SLC39A9: variants seen among roughly 807,000 people sequenced by gnomAD.
SLC39A9 encodes solute carrier family 39 member 9.
In SLC39A9, 14 loss-of-function variants were observed where a neutral mutation model predicts 28.4. The observed-to-expected ratio is 0.49, with a 90% CI of 0.33 to 0.77. The LOEUF (loss-of-function observed/expected upper bound fraction) is 0.77, where lower values mean the gene tolerates loss of function less well. SLC39A9 is among the 30% of genes least tolerant of loss of function. The pLI, the probability that SLC39A9 is intolerant of heterozygous loss-of-function variation, is 0.02. For synonymous variants in SLC39A9, 119 were observed against 149.6 expected (o/e 0.80, Z 1.49); for missense variants, 283 against 381.1 (o/e 0.74, Z 2.14).
At chr14:69,398,624 G>A (rs1882440551), upstream of SLC39A9, 1 of 284,788 alleles carries the variant, frequency 3.5e-6, no homozygotes, top group African/African-American at 2.3e-5. Flanking sequence ...TGGGCCGGAG[G>A]TCGGTTGTAA....
intron 3 of SLC39A9, 25 bp from the exon 4 acceptor site, chr14:69,453,216 G>C: frequency 6.3e-7 from 1 of 1,598,654 alleles, no homozygotes; most frequent in Non-Finnish European, 8.6e-7. Context: ...ATAGCTTAAC[G>C]CTGTCTTTCT....
At position 69,446,177 on chromosome 14, in the gene SLC39A9, G is replaced by A. The variant is rs142010800; in HGVS notation, c.403+3911G>A. ...AAGAAGGAACACACAAGTATGGAGT[G>A]GAGGAAGGCAAGAAAGAACCCCTAT... On this transcript the variant is annotated intron_variant, in intron 3 of 6. Coordinates refer to ENST00000336643, the MANE Select transcript of SLC39A9 (RefSeq NM_018375.5). 7.9e-5 allele frequency among the ~76,000 whole-genome samples: 12 copies of A among 151,902 alleles called. No individual in the cohort carries two copies. The East Asian group carries it at 2.1e-3, about 27-fold the overall frequency.
chr14:69,406,846 TTG>T (rs1477947950), intron 1 of SLC39A9, among the ~76,000 whole-genome samples: 5 of 123,376 alleles, frequency 4.1e-5, no homozygotes, highest in African/African-American at 1.7e-4. Context: ...TGGAAATTCT[TTG>T]TTTTTTTTTT....
chr14:69,422,872 A>T (rs1883975626), intron 1 of SLC39A9, among the ~76,000 whole-genome samples: 1 of 152,130 alleles, frequency 6.6e-6, no homozygotes, highest in African/African-American at 2.4e-5. Context: ...TACTTCTAAG[A>T]TCCCAGTAAG....
Position 69,399,251 on chromosome 14 carries a change from TA to T in SLC39A9, c.-116del. On this transcript the variant is annotated 5_prime_UTR_variant, in exon 1 of 7. Transcript: ENST00000336643. Reference sequence around the variant, plus strand: ...GAACACATCTGCTGGTGGGAAGGCCTAAAGAACTGGAAAGCCCACTCTCTTG... The same window carrying T: ...GAACACATCTGCTGGTGGGAAGGCCTAAGAACTGGAAAGCCCACTCTCTTG... 1 of 842,176 alleles carries T rather than the reference TA, an allele frequency of 1.2e-6. No homozygotes were observed. Among genetic ancestry groups the T allele is most frequent in the Non-Finnish European group, 1.9e-6 (1 of 515,780 alleles). 52.2% of individuals were successfully genotyped at this position (842,176 alleles called of 1,614,324 possible).
chr14:69,454,761 T>A, intron 4 of SLC39A9, 51 bp from the exon 5 acceptor site: 1 of 1,454,816 alleles, frequency 6.9e-7, no homozygotes, highest in African/African-American at 1.4e-5. Flanking sequence ...ACTACACTGT[T>A]ATTGTTGTTG....
intron 2 of SLC39A9, among the ~76,000 whole-genome samples, chr14:69,427,007 A>ATT (rs35299160): frequency 9.6e-5 from 13 of 135,932 alleles, no homozygotes; most frequent in Non-Finnish European, 7.9e-5. Flanking sequence ...ACCCAAAATA[A>ATT]TTTTTTTTTT....
At chr14:69,454,564 A>C (rs1885770459) in intron 4 of SLC39A9, 1 of 344,442 alleles carries the variant, frequency 2.9e-6, no homozygotes, top group Non-Finnish European at 5.2e-6. Flanking sequence ...AACCAAAATA[A>C]CTAACATTGA....
In SLC39A9 at chr14:69,459,630, G is replaced by A; in HGVS notation, c.*1037G>A. ...GGGACCTAAATACTAGGTCAGCTTT[G>A]GCGACACTGTGTCTTCTCACATAAC... On this transcript the variant is annotated 3_prime_UTR_variant, in exon 7 of 7. Coordinates refer to ENST00000336643, the MANE Select transcript of SLC39A9 (RefSeq NM_018375.5). 4 of 981,728 alleles carry A rather than the reference G, an allele frequency of 4.1e-6. No homozygotes were observed. The highest frequency in any genetic ancestry group is 4.8e-6 in the Non-Finnish European group (4 of 828,556). 60.8% of individuals were successfully genotyped at this position (981,728 alleles called of 1,614,324 possible).
In SLC39A9 at chr14:69,462,290, A is replaced by T. The variant is rs1272868400; in HGVS notation, c.*3697A>T. On this transcript the variant is annotated 3_prime_UTR_variant, in exon 7 of 7. Transcript: ENST00000336643. ...TCCCTTGTAAACATGAAATCATTCC[A>T]TGGATGGCTGCCTTATAATTTTGTC... The T allele has an allele frequency of 6.6e-6, 1 of 152,276 alleles. No homozygotes were observed. Among genetic ancestry groups the T allele is most frequent in the Admixed American group, 6.5e-5 (1 of 15,282 alleles). 9.4% of individuals were successfully genotyped at this position (152,276 alleles called of 1,614,324 possible). A position where few individuals can be genotyped will look rare whatever the true frequency, so the allele number is the denominator to read the frequency against.
chr14:69,400,415 C>T (rs892492878), intron 1 of SLC39A9, among the ~76,000 whole-genome samples: 8 of 152,158 alleles, frequency 5.3e-5, no homozygotes, highest in African/African-American at 1.9e-4. Flanking sequence ...GTTCAGTGAA[C>T]ATGCTGATAG....
At chr14:69,432,880 C>G (rs1287415078) in intron 2 of SLC39A9, among the ~76,000 whole-genome samples, 1 of 152,050 alleles carries the variant, frequency 6.6e-6, no homozygotes, top group African/African-American at 2.4e-5. Flanking sequence ...CTGTTCTGTT[C>G]CATTGGTATA....
At chr14:69,409,723 T>C (rs1451290412) in intron 1 of SLC39A9, among the ~76,000 whole-genome samples, 1 of 152,246 alleles carries the variant, frequency 6.6e-6, no homozygotes, top group African/African-American at 2.4e-5. Context: ...TTTACATTTT[T>C]GTCATGATAA....
Position 69,458,616 on chromosome 14 carries a change from C to T in SLC39A9, c.*23C>T, listed in dbSNP as rs111365600. 8 of 1,573,138 alleles carry T rather than the reference C, an allele frequency of 5.1e-6. No individual in the cohort carries two copies. The Admixed American group carries it at 7.3e-5, about 14-fold the overall frequency. On this transcript the variant is annotated 3_prime_UTR_variant, in exon 7 of 7. Coordinates refer to ENST00000336643, the MANE Select transcript of SLC39A9 (RefSeq NM_018375.5). ...TAAATGTTCAAGGTCCAGCCTTGGT[C>T]CAGGGCCGTTTGCCATCCAGTGAGA...
At chr14:69,400,862 A>G (rs1005900864) in intron 1 of SLC39A9, among the ~76,000 whole-genome samples, 1 of 152,076 alleles carries the variant, frequency 6.6e-6, no homozygotes, top group Non-Finnish European at 1.5e-5. Context: ...AACTTCACTT[A>G]AAAAACTCAA....
chr14:69,458,537 G>A lies in SLC39A9; in HGVS notation c.868G>A (p.Ala290Thr). The A allele has an allele frequency of 6.2e-7, 1 of 1,614,192 alleles. No homozygotes were observed. The highest frequency in any genetic ancestry group is 8.5e-7 in the Non-Finnish European group (1 of 1,180,008). ...AGGCCTCAGCCGCCTGGAAGTGGCA[G>A]CCCTGGTTCTGGGTTGCCTCATCCC... ...GRGLSRLEVA[A>T]LVLGCLIPLI... The change falls in exon 7 of 7, where the codon GCC (alanine) becomes ACC (threonine). Residue 290 changes from alanine (A) to threonine (T), a missense_variant. Ala to Thr is a moderately conservative substitution (Grantham distance 58). Transcript: ENST00000336643.
chr14:69,450,589 A>G (rs1885557165), intron 3 of SLC39A9, among the ~76,000 whole-genome samples: 1 of 152,140 alleles, frequency 6.6e-6, no homozygotes, highest in Non-Finnish European at 1.5e-5. Flanking sequence ...AGCCTGGACA[A>G]CACAGCAAGA....
rs561821991 is a variant in SLC39A9 at position 69,441,928 on chromosome 14, G to A, written c.206-141G>A. ...TGAACTTTAAGTTGAAGGAGTTAATGATTGGCTGGATTACAATATAAAAAG... is the reference window on the plus strand; with the variant it reads ...TGAACTTTAAGTTGAAGGAGTTAATAATTGGCTGGATTACAATATAAAAAG... On this transcript the variant is annotated intron_variant, in intron 2 of 6. Transcript: ENST00000336643. The A allele has an allele frequency of 1.3e-4, 188 of 1,420,854 alleles. No individual in the cohort carries two copies. The African/African-American group carries it at 1.7e-3, about 13-fold the overall frequency. 88.0% of individuals were successfully genotyped at this position (1,420,854 alleles called of 1,614,324 possible).
intron 1 of SLC39A9, among the ~76,000 whole-genome samples, chr14:69,410,410 C>A (rs1410154637): frequency 6.6e-6 from 1 of 152,130 alleles, no homozygotes; most frequent in Non-Finnish European, 1.5e-5. Context: ...ACAACCCCTA[C>A]TCTGCTAAGT....
Sources: gnomAD v4.1 joint callset for allele counts (sites outside exome capture counted in the v4.1 genomes callset) on GRCh38, gnomAD v4.1.1 for gene constraint, MANE v1.5 for transcripts, NCBI Gene and HGNC (gene_info 2026-07-23, HGNC 2026-07-21) for gene names.